The following LRP1B variants were observed in gnomAD, a reference collection of about 807,000 sequenced individuals.
LRP1B encodes LDL receptor related protein 1B.
Under a neutral mutation model 556.6 loss-of-function variants are expected in LRP1B, and 217 were observed. The ratio of observed to expected loss-of-function variants is 0.39; its 90% CI spans 0.35 to 0.44. The LOEUF (loss-of-function observed/expected upper bound fraction) is 0.44, where lower values mean the gene tolerates loss of function less well. LRP1B is among the 20% of genes least tolerant of loss of function. LRP1B has a pLI of 1.00. For synonymous variants in LRP1B, 2,047 were observed against 1,865.8 expected, an observed-to-expected ratio of 1.10 and a Z score of -2.50; for missense variants, 5,053 against 5,620.8, an observed-to-expected ratio of 0.90 and a Z score of 3.23.
At chr2:141,207,446 T>G (rs996318736) in intron 6 of LRP1B, among the ~76,000 whole-genome samples, 8 of 152,218 alleles carry the variant, frequency 5.3e-5, no homozygotes, top group Admixed American at 2.0e-4. Flanking sequence ...TTATTCTTAC[T>G]GGTTCATATA....
chr2:140,893,982 G>A (rs141016932), intron 23 of LRP1B, among the ~76,000 whole-genome samples: 88 of 152,332 alleles, frequency 5.8e-4, no homozygotes, highest in Non-Finnish European at 7.6e-4. Context: ...GCTCTGAATA[G>A]CAGACAGAAA....
chr2:141,738,496 G>A lies in LRP1B; in HGVS notation c.205+71783C>T, dbSNP rs188950726. Among the ~76,000 whole-genome samples, 211 of 152,018 alleles carry A rather than the reference G, an allele frequency of 1.4e-3. 5 individuals are homozygous for A. Among genetic ancestry groups the A allele is most frequent in the Admixed American group, 0.014 (208 of 15,274 alleles). ...TATCGCTTTCTGTTGAACAGCATGC[G>A]ACAAGTAAGTAGGATACATTGGCCC... On this transcript the variant is annotated intron_variant, in intron 2 of 90. Transcript: ENST00000389484.
chr2:141,160,115 T>A (rs1481923154), intron 7 of LRP1B, among the ~76,000 whole-genome samples: 1 of 152,062 alleles, frequency 6.6e-6, no homozygotes, highest in African/African-American at 2.4e-5. Context: ...TATTTTTTTT[T>A]AGAAGAAATA....
intron 66 of LRP1B, among the ~76,000 whole-genome samples, chr2:140,404,783 T>G (rs1684661017): frequency 6.6e-6 from 1 of 152,192 alleles, no homozygotes; most frequent in African/African-American, 2.4e-5. Context: ...GAGTAGTTAT[T>G]CTTATATCAG....
intron 35 of LRP1B, among the ~76,000 whole-genome samples, chr2:140,731,180 T>C (rs1407210292): frequency 6.6e-6 from 1 of 152,224 alleles, no homozygotes; most frequent in Non-Finnish European, 1.5e-5. Context: ...TTGTCTTTCT[T>C]GTTATTCCCC....
chr2:141,786,738 G>A (rs182183105), intron 2 of LRP1B, among the ~76,000 whole-genome samples: 241 of 151,848 alleles, frequency 1.6e-3, no homozygotes, highest in Non-Finnish European at 1.0e-3. Flanking sequence ...AAAAAAGCAC[G>A]GAACCTCTCA....
intron 32 of LRP1B, among the ~76,000 whole-genome samples, chr2:140,787,188 C>T (rs1162092018): frequency 3.9e-5 from 6 of 152,252 alleles, no homozygotes; most frequent in African/African-American, 1.2e-4. Flanking sequence ...TATCCTTGCT[C>T]GCCTCCTATT....
At chr2:141,029,441 T>C (rs1309255387) in intron 11 of LRP1B, among the ~76,000 whole-genome samples, 2 of 152,178 alleles carry the variant, frequency 1.3e-5, no homozygotes, top group African/African-American at 4.8e-5. Flanking sequence ...CTTTTGATAC[T>C]GAACAATTTA....
intron 9 of LRP1B, among the ~76,000 whole-genome samples, chr2:141,057,712 T>C (rs533810729): frequency 6.6e-6 from 1 of 152,028 alleles, no homozygotes; most frequent in East Asian, 2.0e-4. Flanking sequence ...TCCCCAGCCA[T>C]GTGGAACTGT....
chr2:140,438,493 A>G (rs1686288129), intron 66 of LRP1B, among the ~76,000 whole-genome samples: 1 of 152,252 alleles, frequency 6.6e-6, no homozygotes, highest in Admixed American at 6.5e-5. Context: ...GTAAGCTTAT[A>G]ACTGTAGCTT....
intron 2 of LRP1B, among the ~76,000 whole-genome samples, chr2:141,717,207 C>T (rs1281444896): frequency 6.6e-6 from 1 of 152,166 alleles, no homozygotes; most frequent in Non-Finnish European, 1.5e-5. Flanking sequence ...TTTCTCTCAG[C>T]AACTAATTTT....
At chr2:141,012,449 G>A (rs566549917) in intron 14 of LRP1B, among the ~76,000 whole-genome samples, 27 of 152,084 alleles carry the variant, frequency 1.8e-4, no homozygotes, top group Admixed American at 1.5e-3. Context: ...TAGGGGTGCA[G>A]GGTTTATATG....
At chr2:140,615,561 A>T (rs1237827482) in intron 41 of LRP1B, among the ~76,000 whole-genome samples, 1 of 152,104 alleles carries the variant, frequency 6.6e-6, no homozygotes, top group Non-Finnish European at 1.5e-5. Context: ...ATGCTTAAAG[A>T]TTTGGAGCAT....
intron 7 of LRP1B, among the ~76,000 whole-genome samples, chr2:141,107,602 C>T (rs972122174): frequency 2.6e-5 from 4 of 152,006 alleles, no homozygotes; most frequent in East Asian, 1.9e-4. Context: ...GCTGAGATCG[C>T]GCCACTGCAC....
At chr2:141,709,150 A>G (rs1241875463) in intron 2 of LRP1B, among the ~76,000 whole-genome samples, 1 of 152,158 alleles carries the variant, frequency 6.6e-6, no homozygotes, top group Non-Finnish European at 1.5e-5. Flanking sequence ...GGAGTTCAAG[A>G]CCAGCCTGAG....
intron 60 of LRP1B, among the ~76,000 whole-genome samples, chr2:140,461,636 A>C (rs2105329628): frequency 6.6e-6 from 1 of 152,126 alleles, no homozygotes; most frequent in East Asian, 1.9e-4. Flanking sequence ...GGAGTTCGAA[A>C]CCAGCCTGAT....
chr2:140,858,647 C>A (rs1032550340), intron 27 of LRP1B, among the ~76,000 whole-genome samples: 1 of 151,844 alleles, frequency 6.6e-6, no homozygotes. Context: ...TAAACATGTG[C>A]CATGGTGGTT....
chr2:141,618,786 T>C (rs185524989), intron 2 of LRP1B, among the ~76,000 whole-genome samples: 1 of 152,248 alleles, frequency 6.6e-6, no homozygotes, highest in Non-Finnish European at 1.5e-5. Context: ...GATGGCTAAA[T>C]GTCACCCTTC....
chr2:141,683,217 A>G (rs559273981), intron 2 of LRP1B, among the ~76,000 whole-genome samples: 3 of 152,246 alleles, frequency 2.0e-5, no homozygotes, highest in African/African-American at 7.2e-5. Flanking sequence ...TGGTAATGGG[A>G]AAAAGGTGAA....
Sources: allele counts gnomAD v4.1 joint callset (sites outside exome capture counted in the v4.1 genomes callset), GRCh38; gene constraint gnomAD v4.1.1; transcripts MANE v1.5; gene names NCBI Gene and HGNC (gene_info 2026-07-23, HGNC 2026-07-21).